The following PLPP3 variants were observed in gnomAD, a reference collection of about 807,000 sequenced individuals.
PLPP3 encodes the protein phospholipid phosphatase 3, also known as PAP2 beta.
Under a neutral mutation model 29.6 loss-of-function variants are expected in PLPP3, and 6 were observed. The ratio of observed to expected loss-of-function variants is 0.20; its 90% CI spans 0.11 to 0.40. The LOEUF is 0.40. Among genes scored for constraint, PLPP3 ranks in the 10% least tolerant of loss-of-function variants. The pLI is 1.00. For synonymous variants in PLPP3, 152 were observed against 159.7 expected (o/e 0.95, Z 0.36); for missense variants, 308 against 407.7 (o/e 0.76, Z 2.11).
chr1:56,524,226 G>A lies in PLPP3; in HGVS notation c.575+51C>T. The A allele has an allele frequency of 6.2e-7, 1 of 1,602,460 alleles. No homozygotes were observed. Reference sequence around the variant, plus strand: ...CCAGCTAGTAAGTGCTCACTGAACTGCACTGTATGAAAGGGGTCCAGGCTC... The same window carrying A: ...CCAGCTAGTAAGTGCTCACTGAACTACACTGTATGAAAGGGGTCCAGGCTC... On this transcript the variant is annotated intron_variant, in intron 3 of 5. Transcript: ENST00000371250. The surrounding 1 kb of genome is among the most constrained non-coding windows in gnomAD (Gnocchi z 4.3).
At chr1:56,554,290 T>C (rs1450167139) in intron 1 of PLPP3, among the ~76,000 whole-genome samples, 2 of 152,054 alleles carry the variant, frequency 1.3e-5, no homozygotes, top group African/African-American at 2.4e-5. Flanking sequence ...TACAGTGCCA[T>C]GGCCGGGCGC....
chr1:56,532,929 T>G (rs1263304869), intron 2 of PLPP3, among the ~76,000 whole-genome samples: 2 of 152,118 alleles, frequency 1.3e-5, no homozygotes, highest in Non-Finnish European at 2.9e-5. Flanking sequence ...CTGTGACCTT[T>G]GGAAGGTGGG....
chr1:56,505,473 GGGTCCAC>G (rs1645696242), intron 5 of PLPP3, among the ~76,000 whole-genome samples: 4 of 152,168 alleles, frequency 2.6e-5, no homozygotes, highest in African/African-American at 9.7e-5. Context: ...TGAACTGCAT[GGGTCCAC>G]TTAAACACAA....
intron 2 of PLPP3, among the ~76,000 whole-genome samples, chr1:56,529,110 A>G (rs1461491351): frequency 1.3e-5 from 2 of 151,976 alleles, no homozygotes; most frequent in Non-Finnish European, 2.9e-5. Flanking sequence ...GCACTTTCAC[A>G]TCCACTATAC....
At chr1:56,551,555 A>G (rs1646040035) in intron 1 of PLPP3, among the ~76,000 whole-genome samples, 1 of 152,150 alleles carries the variant, frequency 6.6e-6, no homozygotes, top group Non-Finnish European at 1.5e-5. Flanking sequence ...CCCCACTCAA[A>G]GCATGAAGGG....
intron 1 of PLPP3, among the ~76,000 whole-genome samples, chr1:56,567,588 G>A (rs1646170189): frequency 1.3e-5 from 2 of 151,786 alleles, no homozygotes; most frequent in South Asian, 2.1e-4. Flanking sequence ...TAGTAGAGAC[G>A]GGGTTTCACT....
intron 4 of PLPP3, among the ~76,000 whole-genome samples, chr1:56,518,282 C>A (rs1337078182): frequency 6.6e-6 from 1 of 152,270 alleles, no homozygotes; most frequent in Non-Finnish European, 1.5e-5. Context: ...GGCTCCAGGG[C>A]GCCATACATG....
chr1:56,543,053 T>C (rs1170695679), intron 1 of PLPP3, among the ~76,000 whole-genome samples: 2 of 151,642 alleles, frequency 1.3e-5, no homozygotes, highest in African/African-American at 2.4e-5. Flanking sequence ...AAAAAGTTTA[T>C]ACATCTTACC....
intron 2 of PLPP3, among the ~76,000 whole-genome samples, chr1:56,534,988 A>T (rs1358031891): frequency 6.6e-6 from 1 of 152,076 alleles, no homozygotes; most frequent in Non-Finnish European, 1.5e-5. Flanking sequence ...TCCTTACTGT[A>T]TTTTTACCAG....
At chr1:56,531,453 G>T (rs953857) in intron 2 of PLPP3, among the ~76,000 whole-genome samples, 41,968 of 152,136 alleles carry the variant, frequency 0.28, 5,888 homozygotes, top group Admixed American at 0.32. Context: ...AAGCCTGCTT[G>T]CTATAAGGGA....
rs183133236 is a variant in PLPP3, at chr1:56,502,659, C to T, written c.811-5983G>A. 6.2e-4 allele frequency among the ~76,000 whole-genome samples: 94 copies of T among 152,286 alleles called. 2 individuals are homozygous for T. In the South Asian group the frequency reaches 0.01, roughly 16 times the overall value. On this transcript the variant is annotated intron_variant, in intron 5 of 5. Coordinates refer to ENST00000371250, the MANE Select transcript of PLPP3 (RefSeq NM_003713.5). ...GGGCACAACATTACCTTTCTTGAACCACCCTTCTCTTCTCTCTTTGGTACC... is the reference window on the plus strand; with the variant it reads ...GGGCACAACATTACCTTTCTTGAACTACCCTTCTCTTCTCTCTTTGGTACC...
At chr1:56,578,778 G>A in intron 1 of PLPP3, 100 bp downstream of exon 1, 4 of 1,211,498 alleles carry the variant, frequency 3.3e-6, no homozygotes, top group African/African-American at 1.6e-5. Flanking sequence ...CGGAGCTGAC[G>A]GCGCGGCGCG....
At position 56,500,165 on chromosome 1, in the gene PLPP3, T is replaced by C. The variant is rs1337250251; in HGVS notation, c.811-3489A>G. On this transcript the variant is annotated intron_variant, in intron 5 of 5. Transcript: ENST00000371250. ...AATGAATGCAATCAATAAATACTTA[T>C]TGGATTCCTGCTATGTGTTAAACTC... Among the ~76,000 whole-genome samples, 8 of 152,350 alleles carry C rather than the reference T, an allele frequency of 5.3e-5. No individual in the cohort carries two copies. The South Asian group carries it at 1.2e-3, about 24-fold the overall frequency.
intron 2 of PLPP3, among the ~76,000 whole-genome samples, chr1:56,532,179 T>C (rs775750079): frequency 6.6e-6 from 1 of 152,110 alleles, no homozygotes; most frequent in South Asian, 2.1e-4. Context: ...AAATCACAAA[T>C]AGATGCCCCC....
chr1:56,514,196 G>A (rs1645765897), intron 4 of PLPP3, among the ~76,000 whole-genome samples: 1 of 152,066 alleles, frequency 6.6e-6, no homozygotes, highest in South Asian at 2.1e-4. Context: ...GTATACTAAT[G>A]TGTTTTATAG....
chr1:56,549,279 C>T (rs184041628), intron 1 of PLPP3, among the ~76,000 whole-genome samples: 1 of 152,164 alleles, frequency 6.6e-6, no homozygotes, highest in Non-Finnish European at 1.5e-5. Flanking sequence ...CAAGGTGGAT[C>T]AGCTCTGTCA....
In PLPP3 at chr1:56,551,545, C is replaced by T. The variant is rs78411590; in HGVS notation, c.140-14433G>A. On this transcript the variant is annotated intron_variant, in intron 1 of 5. Transcript: ENST00000371250. ...GCACACACACGTTTCCTCCTCCCCTCCCCACTCAAAGCATGAAGGGGAAGG... is the reference window on the plus strand; with the variant it reads ...GCACACACACGTTTCCTCCTCCCCTTCCCACTCAAAGCATGAAGGGGAAGG... 1.0e-3 allele frequency among the ~76,000 whole-genome samples: 152 copies of T among 152,238 alleles called. 5 individuals carry two copies. In the East Asian group the frequency reaches 0.028, roughly 28 times the overall value.
rs1645834431 is a variant in PLPP3 at position 56,523,740 on chromosome 1, C to T, written c.633+83G>A. ...AAGGATTTCACAGTGATGGCATGCC[C>T]CTAAACTATTTTGAGGGCTATCATA... On this transcript the variant is annotated intron_variant, in intron 4 of 5. Coordinates refer to ENST00000371250, the MANE Select transcript of PLPP3 (RefSeq NM_003713.5). 1.2e-5 allele frequency: 17 copies of T among 1,446,660 alleles called. 2 individuals are homozygous for T. In the South Asian group the frequency reaches 2.0e-4, roughly 17 times the overall value. 89.6% of individuals were successfully genotyped at this position (1,446,660 alleles called of 1,614,324 possible).
At chr1:56,529,991 T>G (rs766327631) in intron 2 of PLPP3, among the ~76,000 whole-genome samples, 1 of 152,130 alleles carries the variant, frequency 6.6e-6, no homozygotes, top group Non-Finnish European at 1.5e-5. Flanking sequence ...AAAGCATCAT[T>G]GTTTTCCCAA....
Sources: allele counts gnomAD v4.1 joint callset (sites outside exome capture counted in the v4.1 genomes callset), GRCh38; gene constraint gnomAD v4.1.1; non-coding constraint Gnocchi (gnomAD v3.1); transcripts MANE v1.5; gene names NCBI Gene and HGNC (gene_info 2026-07-23, HGNC 2026-07-21).